The following SLC35F1 variants were observed in gnomAD, a reference collection of about 807,000 sequenced individuals.
The protein encoded by SLC35F1 is solute carrier family 35 member F1, also known as chromosome 6 open reading frame 169.
In SLC35F1, 14 loss-of-function variants were observed where a neutral mutation model predicts 48.7. The ratio of observed to expected loss-of-function variants is 0.29; its 90% CI spans 0.19 to 0.45. SLC35F1 has a LOEUF of 0.45. Ranked by LOEUF, SLC35F1 falls within the 20% of genes least tolerant of loss-of-function variation. The probability of loss-of-function intolerance (pLI) is 1.00; values close to 1 mark genes in which losing one functional copy is unlikely to be tolerated. For synonymous variants in SLC35F1, 190 were observed against 202.2 expected, an observed-to-expected ratio of 0.94 and a Z score of 0.51; for missense variants, 404 against 500.0, an observed-to-expected ratio of 0.81 and a Z score of 1.83.
chr6:118,139,441 A>G (rs1292770710), intron 1 of SLC35F1, among the ~76,000 whole-genome samples: 1 of 152,184 alleles, frequency 6.6e-6, no homozygotes, highest in African/African-American at 2.4e-5. Context: ...TGGATAGTTC[A>G]AAATACTAAA....
intron 2 of SLC35F1, among the ~76,000 whole-genome samples, chr6:118,221,253 A>G (rs1036592961): frequency 2.5e-4 from 38 of 152,182 alleles, no homozygotes; most frequent in African/African-American, 8.7e-4. Context: ...TGGTCCAAGC[A>G]TAGATCGCTT....
chr6:118,197,085 A>G (rs1336845384), intron 2 of SLC35F1, among the ~76,000 whole-genome samples: 1 of 152,010 alleles, frequency 6.6e-6, no homozygotes, highest in African/African-American at 2.4e-5. Context: ...TAACCATTTC[A>G]CTATGTATAT....
intron 1 of SLC35F1, among the ~76,000 whole-genome samples, chr6:117,963,178 A>G (rs1020143066): frequency 1.3e-5 from 2 of 152,198 alleles, no homozygotes; most frequent in Non-Finnish European, 2.9e-5. Context: ...AGGCTCATTA[A>G]GTGGCCCAAG....
intron 2 of SLC35F1, among the ~76,000 whole-genome samples, chr6:118,174,711 A>G (rs1406747826): frequency 2.0e-5 from 3 of 152,150 alleles, no homozygotes; most frequent in African/African-American, 7.2e-5. Context: ...GCAAATCCCA[A>G]GCAGAAACTA....
At chr6:118,088,168 T>C (rs901747905) in intron 1 of SLC35F1, among the ~76,000 whole-genome samples, 9 of 152,254 alleles carry the variant, frequency 5.9e-5, no homozygotes, top group African/African-American at 2.2e-4. Context: ...TCTTTTTATA[T>C]ATTTTTCGTG....
chr6:118,108,578 T>C (rs924183637), intron 1 of SLC35F1, among the ~76,000 whole-genome samples: 10 of 152,128 alleles, frequency 6.6e-5, no homozygotes, highest in African/African-American at 9.7e-5. Flanking sequence ...TGTATAGAAA[T>C]GTCTTGGATG....
At chr6:118,002,553 A>T (rs540369968) in intron 1 of SLC35F1, among the ~76,000 whole-genome samples, 153 of 152,110 alleles carry the variant, frequency 1.0e-3, no homozygotes, top group African/African-American at 3.4e-3. Context: ...ATACATATGT[A>T]ACTAACCTGC....
At chr6:118,042,556 G>C (rs1339867281) in intron 1 of SLC35F1, among the ~76,000 whole-genome samples, 1 of 152,172 alleles carries the variant, frequency 6.6e-6, no homozygotes, top group Non-Finnish European at 1.5e-5. Flanking sequence ...TGAACATTAA[G>C]TTGCAGATGA....
intron 1 of SLC35F1, among the ~76,000 whole-genome samples, chr6:118,046,450 T>A (rs2114906182): frequency 6.6e-6 from 1 of 152,312 alleles, no homozygotes; most frequent in South Asian, 2.1e-4. Flanking sequence ...TATTACCGAG[T>A]GCTCTTGCAA....
intron 1 of SLC35F1, among the ~76,000 whole-genome samples, chr6:118,074,085 T>C (rs911916342): frequency 1.3e-5 from 2 of 152,238 alleles, no homozygotes; most frequent in African/African-American, 4.8e-5. Flanking sequence ...CATGTTTTTA[T>C]AATTATGCCC....
At chr6:117,923,644 T>TAC in intron 1 of SLC35F1, among the ~76,000 whole-genome samples, 2 of 98,358 alleles carry the variant, frequency 2.0e-5, no homozygotes, top group Admixed American at 2.2e-4. Flanking sequence ...TGTACATATG[T>TAC]ACATATGTAC....
intron 1 of SLC35F1, among the ~76,000 whole-genome samples, chr6:117,964,760 T>A (rs1776539700): frequency 6.6e-6 from 1 of 152,214 alleles, no homozygotes; most frequent in Non-Finnish European, 1.5e-5. Flanking sequence ...ACCAGGGATT[T>A]GGTCTAGGAC....
At chr6:118,158,472 C>T (rs1421732487) in intron 2 of SLC35F1, among the ~76,000 whole-genome samples, 1 of 152,156 alleles carries the variant, frequency 6.6e-6, no homozygotes, top group East Asian at 1.9e-4. Context: ...GTCTGAGCCA[C>T]GTGTTGCCAC....
intron 1 of SLC35F1, among the ~76,000 whole-genome samples, chr6:117,908,112 A>T (rs997184912): frequency 3.3e-5 from 5 of 152,328 alleles, no homozygotes; most frequent in Middle Eastern, 6.8e-3. Flanking sequence ...GTGGAGCTGC[A>T]GCTGGTCCGA....
chr6:118,207,879 G>A (rs546669898), intron 2 of SLC35F1, among the ~76,000 whole-genome samples: 1 of 152,276 alleles, frequency 6.6e-6, no homozygotes, highest in African/African-American at 2.4e-5. Context: ...AATGGAATTA[G>A]CTACCTGGTA....
chr6:118,003,486 T>C lies in SLC35F1; in HGVS notation c.173+95587T>C, dbSNP rs186720089. 5.7e-3 allele frequency among the ~76,000 whole-genome samples: 875 copies of C among 152,324 alleles called. 5 individuals carry two copies. Among genetic ancestry groups the C allele is most frequent in the Non-Finnish European group, 7.3e-3 (498 of 68,036 alleles). On this transcript the variant is annotated intron_variant, in intron 1 of 7. Transcript: ENST00000360388. ...CATCAATGATGCATGGTGAGCTAGG[T>C]AGGTTGTCCTTATTGAGGTCTGGGC...
chr6:117,933,508 T>C (rs1776127274), intron 1 of SLC35F1, among the ~76,000 whole-genome samples: 1 of 152,162 alleles, frequency 6.6e-6, no homozygotes, highest in Non-Finnish European at 1.5e-5. Context: ...AAAAGAATAG[T>C]GGAGAATATA....
At chr6:118,076,102 G>A (rs113685409) in intron 1 of SLC35F1, among the ~76,000 whole-genome samples, 2,039 of 151,976 alleles carry the variant, frequency 0.013, 52 homozygotes, top group African/African-American at 0.046. Context: ...ATAATTGCTC[G>A]TGTATTGTGC....
intron 2 of SLC35F1, among the ~76,000 whole-genome samples, chr6:118,192,423 T>G (rs530975407): frequency 1.3e-5 from 2 of 152,198 alleles, no homozygotes; most frequent in South Asian, 2.1e-4. Context: ...TATTCAAGAG[T>G]GCTTTTCAGG....
Sources: gnomAD v4.1 joint callset for allele counts (sites outside exome capture counted in the v4.1 genomes callset) on GRCh38, gnomAD v4.1.1 for gene constraint, MANE v1.5 for transcripts, NCBI Gene and HGNC (gene_info 2026-07-23, HGNC 2026-07-21) for gene names.